Variants in RFTN1 observed in about 807,000 individuals in gnomAD.
The protein encoded by RFTN1 is raftlin.
In RFTN1, 26 loss-of-function variants were observed where a neutral mutation model predicts 46.5. That is an observed-to-expected ratio of 0.56 (90% CI 0.41 to 0.78). The LOEUF is 0.78. RFTN1 is among the 30% of genes least tolerant of loss of function. The pLI, the probability that RFTN1 is intolerant of heterozygous loss-of-function variation, is 0.00. For synonymous variants in RFTN1, 261 were observed against 284.2 expected (o/e 0.92, Z 0.82); for missense variants, 693 against 718.7 (o/e 0.96, Z 0.41).
chr3:16,350,220 TAAG>T (rs1396002796), intron 7 of RFTN1: 5 of 152,242 alleles, frequency 3.3e-5, no homozygotes, highest in Non-Finnish European at 7.3e-5. Context: ...TCATCTATAA[TAAG>T]AATATATTAT....
chr3:16,335,776 T>TAAA lies in RFTN1; in HGVS notation c.1147-8903_1147-8901dup, dbSNP rs540104859. On this transcript the variant is annotated intron_variant, in intron 7 of 9. Transcript: ENST00000334133. The surrounding 1 kb of genome is among the most constrained non-coding windows in gnomAD (Gnocchi z 4.7). ...ATCCTGCACTTGCACCCTGGAACTTTAAAAAAAAAAAAAAAAAAAGGAGTT... is the reference window on the plus strand; with the variant it reads ...ATCCTGCACTTGCACCCTGGAACTTTAAAAAAAAAAAAAAAAAAAAAAGGAGTT... Among the ~76,000 whole-genome samples, 2 of 136,644 alleles carry TAAA rather than the reference T, an allele frequency of 1.5e-5. No homozygotes were observed. The highest frequency in any genetic ancestry group is 1.5e-4 in the Admixed American group (2 of 13,638). The allele number at this position is 136,644 out of a possible 152,430, so 89.6% of individuals were successfully genotyped here.
intron 9 of RFTN1, among the ~76,000 whole-genome samples, chr3:16,319,056 G>T (rs1219055801): frequency 6.6e-6 from 1 of 152,188 alleles, no homozygotes. Flanking sequence ...CAGGCACCGT[G>T]TTATGGTTCG....
chr3:16,401,280 T>G (rs989346800), intron 4 of RFTN1, among the ~76,000 whole-genome samples: 1 of 150,016 alleles, frequency 6.7e-6, no homozygotes, highest in East Asian at 2.0e-4. Flanking sequence ...GCTGTTATTG[T>G]GCCACTGTAC....
At chr3:16,434,489 G>C (rs926026545) in intron 2 of RFTN1, among the ~76,000 whole-genome samples, 4 of 152,164 alleles carry the variant, frequency 2.6e-5, no homozygotes, top group African/African-American at 7.2e-5. Flanking sequence ...GAAATGGGGA[G>C]GTTTGCAGTG....
chr3:16,436,322 A>C (rs2075513536), intron 2 of RFTN1, among the ~76,000 whole-genome samples: 1 of 148,960 alleles, frequency 6.7e-6, no homozygotes, highest in African/African-American at 2.5e-5. Flanking sequence ...TTGCCTTTTG[A>C]CTTTGCATAT....
chr3:16,405,612 T>G (rs2074837343), intron 4 of RFTN1, among the ~76,000 whole-genome samples: 1 of 152,226 alleles, frequency 6.6e-6, no homozygotes, highest in Admixed American at 6.5e-5. Context: ...CAAATGACTT[T>G]ACTTTTCCTA....
rs897450139 is a variant in RFTN1, at chr3:16,336,303, C to A, written c.1147-9427G>T. 6.6e-6 allele frequency among the ~76,000 whole-genome samples: 1 copy of A among 152,172 alleles called. No individual in the cohort carries two copies. The highest frequency in any genetic ancestry group is 1.5e-5 in the Non-Finnish European group (1 of 68,018). The stretch of plus-strand genomic sequence containing the variant: ...TGTGCCACTTGGGAAGCCTCTTCTG[C>A]CCCAGGAGATCCCAGTCTAGGGGTG... On this transcript the variant is annotated intron_variant, in intron 7 of 9. Transcript: ENST00000334133. The surrounding 1 kb of genome is among the most constrained non-coding windows in gnomAD (Gnocchi z 6.0).
rs1053066432 is a variant in RFTN1 at position 16,334,334 on chromosome 3, C to T, written c.1147-7458G>A. Among the ~76,000 whole-genome samples the T allele has an allele frequency of 6.6e-6, 1 of 152,204 alleles. No individual in the cohort carries two copies. Among genetic ancestry groups the T allele is most frequent in the African/African-American group, 2.4e-5 (1 of 41,444 alleles). ...AGTGGAAGGGCTCATTGATTCAACC[C>T]TCCTGGAGAACAGTTTGACAGTATC... On this transcript the variant is annotated intron_variant, in intron 7 of 9. Coordinates refer to ENST00000334133, the MANE Select transcript of RFTN1 (RefSeq NM_015150.2). The surrounding 1 kb of genome is among the most constrained non-coding windows in gnomAD (Gnocchi z 4.3).
rs769277638 is a variant in RFTN1, at chr3:16,504,008, G to A, written c.-9+9434C>T. ...TGTCTCCCTATCTTTCTATCCCTGC[G>A]TGTACTCTTTTACAATCTATATATA... On this transcript the variant is annotated intron_variant, in intron 1 of 9. Coordinates refer to ENST00000334133, the MANE Select transcript of RFTN1 (RefSeq NM_015150.2). The surrounding 1 kb of genome is among the most constrained non-coding windows in gnomAD (Gnocchi z 4.4). Among the ~76,000 whole-genome samples the A allele has an allele frequency of 6.6e-6, 1 of 152,050 alleles. No individual in the cohort carries two copies. The highest frequency in any genetic ancestry group is 2.4e-5 in the African/African-American group (1 of 41,392).
chr3:16,373,733 T>G (rs1039134466), intron 5 of RFTN1, among the ~76,000 whole-genome samples: 4 of 152,070 alleles, frequency 2.6e-5, no homozygotes, highest in Non-Finnish European at 5.9e-5. Flanking sequence ...ATTAGCTGCA[T>G]TGGAAGGAAC....
chr3:16,453,192 C>T (rs1161670206), intron 2 of RFTN1, among the ~76,000 whole-genome samples: 1 of 152,212 alleles, frequency 6.6e-6, no homozygotes, highest in Non-Finnish European at 1.5e-5. Flanking sequence ...AGGGTTGAAC[C>T]TGACATTCAA....
chr3:16,354,218 G>C (rs1041366620), intron 7 of RFTN1, among the ~76,000 whole-genome samples: 3 of 152,210 alleles, frequency 2.0e-5, no homozygotes, highest in Admixed American at 6.5e-5. Flanking sequence ...CTGTGATAGG[G>C]TCATGCCCAG....
chr3:16,373,941 C>T (rs1198889414), intron 5 of RFTN1, among the ~76,000 whole-genome samples: 1 of 152,176 alleles, frequency 6.6e-6, no homozygotes, highest in Non-Finnish European at 1.5e-5. Context: ...CAAGGCTGCT[C>T]AAGCTTCGCT....
chr3:16,433,186 A>T lies in RFTN1; in HGVS notation c.332+665T>A, dbSNP rs55863819. On this transcript the variant is annotated intron_variant, in intron 3 of 9. Coordinates refer to ENST00000334133, the MANE Select transcript of RFTN1 (RefSeq NM_015150.2). The surrounding 1 kb of genome is among the most constrained non-coding windows in gnomAD (Gnocchi z 4.4). The stretch of plus-strand genomic sequence containing the variant: ...CCCATCCTCACTGTTTTTTTTTTTT[A>T]AAAAAATTAATATTGTTCCTTTTGA... Among the ~76,000 whole-genome samples the T allele has an allele frequency of 0.16, 7,424 of 47,054 alleles. 206 individuals are homozygous for T. Among genetic ancestry groups the T allele is most frequent in the African/African-American group, 0.24 (1,685 of 7,062 alleles). 30.9% of individuals were successfully genotyped at this position (47,054 alleles called of 152,430 possible). A position where few individuals can be genotyped will look rare whatever the true frequency, so the allele number is the denominator to read the frequency against.
At chr3:16,411,776 G>C (rs1056062164) in intron 3 of RFTN1, among the ~76,000 whole-genome samples, 1 of 152,152 alleles carries the variant, frequency 6.6e-6, no homozygotes, top group Non-Finnish European at 1.5e-5. Flanking sequence ...AAATCCAGCT[G>C]TTCTGTTACA....
chr3:16,345,852 GTGTA>G lies in RFTN1; in HGVS notation c.1146+12076_1146+12079del, dbSNP rs1559843958. The stretch of plus-strand genomic sequence containing the variant: ...CGTGCGCGCACGCGCACATGTGCAT[GTGTA>G]TGTGTATAATCTCCTACTGGTTCTG... On this transcript the variant is annotated intron_variant, in intron 7 of 9. Transcript: ENST00000334133. The surrounding 1 kb of genome is among the most constrained non-coding windows in gnomAD (Gnocchi z 5.2). Among the ~76,000 whole-genome samples, 2 of 38,650 alleles carry G rather than the reference GTGTA, an allele frequency of 5.2e-5. No individual in the cohort carries two copies. Among genetic ancestry groups the G allele is most frequent in the Non-Finnish European group, 9.5e-5 (2 of 20,978 alleles). 25.4% of individuals were successfully genotyped at this position (38,650 alleles called of 152,430 possible).
chr3:16,362,513 C>T (rs1416754787), intron 6 of RFTN1, among the ~76,000 whole-genome samples: 2 of 152,264 alleles, frequency 1.3e-5, no homozygotes, highest in East Asian at 3.9e-4. Context: ...TCTGGAGCCC[C>T]TATCACAATA....
Position 16,424,282 on chromosome 3 carries a change from G to A in RFTN1, c.332+9569C>T, listed in dbSNP as rs374383159. On this transcript the variant is annotated intron_variant, in intron 3 of 9. Coordinates refer to ENST00000334133, the MANE Select transcript of RFTN1 (RefSeq NM_015150.2). This position sits in a 1 kb window ranked among gnomAD's most constrained non-coding sequence, Gnocchi z 4.7. ...ACTCCCATTACCCACTCCAAACTTC[G>A]GACTGAGAAGTCGTTAATGACTTCT... 7.2e-5 allele frequency among the ~76,000 whole-genome samples: 11 copies of A among 152,184 alleles called. No homozygotes were observed. The South Asian group carries it at 8.3e-4, about 11-fold the overall frequency.
In RFTN1 at chr3:16,358,055, A is replaced by G. The variant is rs983167958; in HGVS notation, c.1031-8T>C. ...TCAAGCCATGTAAGGAATCTGTGGA[A>G]AAAGAAAAAGGCGGGGGTGGGGGGG... On this transcript the variant is annotated splice_region_variant and splice_polypyrimidine_tract_variant and intron_variant, in intron 6 of 9. Transcript: ENST00000334133. 6.5e-7 allele frequency: 1 copy of G among 1,541,912 alleles called. No individual in the cohort carries two copies. Among genetic ancestry groups the G allele is most frequent in the Admixed American group, 1.7e-5 (1 of 59,412 alleles).
Sources: allele counts gnomAD v4.1 joint callset (sites outside exome capture counted in the v4.1 genomes callset), GRCh38; gene constraint gnomAD v4.1.1; non-coding constraint Gnocchi (gnomAD v3.1); transcripts MANE v1.5; gene names NCBI Gene and HGNC (gene_info 2026-07-23, HGNC 2026-07-21).